Variants in NPR3 observed in about 807,000 individuals in gnomAD.
The protein encoded by NPR3 is natriuretic peptide receptor 3.
In NPR3, 34 loss-of-function variants were observed where a neutral mutation model predicts 54.5. That is an observed-to-expected ratio of 0.62 (90% CI 0.47 to 0.83). The LOEUF is 0.83. Ranked by LOEUF, NPR3 falls within the 40% of genes least tolerant of loss-of-function variation. NPR3 has a pLI of 0.00. For missense variants in NPR3, 674 were observed against 720.8 expected, an observed-to-expected ratio of 0.94 and a Z score of 0.74; for synonymous variants, 289 against 297.1, an observed-to-expected ratio of 0.97 and a Z score of 0.28.
intron 3 of NPR3, among the ~76,000 whole-genome samples, chr5:32,749,209 T>C (rs1043732476): frequency 6.6e-6 from 1 of 152,090 alleles, no homozygotes; most frequent in African/African-American, 2.4e-5. Context: ...TTTTTCTTTC[T>C]AAGGGCAACT....
intron 3 of NPR3, among the ~76,000 whole-genome samples, chr5:32,765,892 C>T (rs920790407): frequency 2.0e-5 from 3 of 152,156 alleles, no homozygotes; most frequent in Non-Finnish European, 2.9e-5. Flanking sequence ...AACCCCAGGG[C>T]CTGTGAACAT....
chr5:32,781,465 G>A (rs1742334662), intron 5 of NPR3, among the ~76,000 whole-genome samples: 1 of 94,210 alleles, frequency 1.1e-5, no homozygotes, highest in Admixed American at 9.6e-5. Flanking sequence ...CTTGATCGCT[G>A]GCTCCCAGGG....
rs1742364845 is a variant in NPR3, at chr5:32,782,098, C to G, written c.1291-795C>G. On this transcript the variant is annotated intron_variant, in intron 5 of 7. Coordinates refer to ENST00000265074, the MANE Select transcript of NPR3 (RefSeq NM_001204375.2). ...GGATGACCATGGAATTAAACCATAA[C>G]AGAATAATGATTTTCCAGGGGCCAG... 2.6e-5 allele frequency among the ~76,000 whole-genome samples: 4 copies of G among 152,112 alleles called. No individual in the cohort carries two copies. The South Asian group carries it at 8.3e-4, about 32-fold the overall frequency.
At chr5:32,734,706 G>C (rs1398403268) in intron 2 of NPR3, among the ~76,000 whole-genome samples, 3 of 152,228 alleles carry the variant, frequency 2.0e-5, no homozygotes, top group Non-Finnish European at 2.9e-5. Context: ...GTTCTAGTCT[G>C]TGCAGCCCAA....
At chr5:32,700,680 A>C (rs188642029) in intron 1 of NPR3, among the ~76,000 whole-genome samples, 282 of 152,140 alleles carry the variant, frequency 1.9e-3, no homozygotes, top group African/African-American at 6.2e-3. Flanking sequence ...GTTTGCTGAG[A>C]ATGATGCTTT....
intron 2 of NPR3, among the ~76,000 whole-genome samples, chr5:32,733,704 G>T (rs1739581546): frequency 6.6e-6 from 1 of 152,072 alleles, no homozygotes; most frequent in Non-Finnish European, 1.5e-5. Flanking sequence ...AGTCAATTTG[G>T]AACATAGAAA....
chr5:32,734,195 G>T (rs1315179548), intron 2 of NPR3, among the ~76,000 whole-genome samples: 2 of 152,162 alleles, frequency 1.3e-5, no homozygotes, highest in African/African-American at 4.8e-5. Flanking sequence ...CGTTTGGAGA[G>T]GGTGGGGGTA....
chr5:32,704,369 T>TG (rs1737930086), intron 1 of NPR3, among the ~76,000 whole-genome samples: 2 of 130,978 alleles, frequency 1.5e-5, no homozygotes, highest in African/African-American at 2.9e-5. Flanking sequence ...CTTTTGGCTC[T>TG]TTGTGTGTGT....
chr5:32,779,968 G>A (rs749842942), intron 4 of NPR3, among the ~76,000 whole-genome samples: 1 of 152,200 alleles, frequency 6.6e-6, no homozygotes, highest in Non-Finnish European at 1.5e-5. Flanking sequence ...AGAGGGCTAA[G>A]TTCCTTGTCC....
intron 2 of NPR3, 56 bp from the exon 3 acceptor site, chr5:32,738,808 A>G: frequency 6.6e-7 from 1 of 1,516,300 alleles, no homozygotes; most frequent in Non-Finnish European, 9.0e-7. Flanking sequence ...TGAAGGGAGA[A>G]TGGCCTCTTT....
intron 2 of NPR3, among the ~76,000 whole-genome samples, chr5:32,728,465 G>GA (rs11404168): frequency 0.95 from 130,584 of 137,482 alleles, 62,210 homozygotes; most frequent in Non-Finnish European, 0.99. Context: ...CTCTATCTCA[G>GA]AAAAAAAAAA....
At chr5:32,705,378 T>A (rs148137315), upstream of NPR3, among the ~76,000 whole-genome samples, 1 of 152,188 alleles carries the variant, frequency 6.6e-6, no homozygotes, top group Non-Finnish European at 1.5e-5. Flanking sequence ...AAGAAATACC[T>A]GAGATTGGGT....
At chr5:32,753,420 T>C (rs775010602) in intron 3 of NPR3, among the ~76,000 whole-genome samples, 4 of 152,098 alleles carry the variant, frequency 2.6e-5, no homozygotes, top group Admixed American at 1.3e-4. Context: ...GTTGGAATAG[T>C]CCGATCACTT....
intron 3 of NPR3, among the ~76,000 whole-genome samples, chr5:32,760,890 T>C (rs1255054035): frequency 6.6e-6 from 1 of 152,162 alleles, no homozygotes; most frequent in Non-Finnish European, 1.5e-5. Flanking sequence ...TTTTTTCCCA[T>C]CTTTTTCTGT....
intron 2 of NPR3, among the ~76,000 whole-genome samples, chr5:32,732,642 G>A (rs1459774067): frequency 6.6e-6 from 1 of 152,092 alleles, no homozygotes; most frequent in African/African-American, 2.4e-5. Flanking sequence ...CACATGGTGG[G>A]CAGAGTGACC....
At chr5:32,752,028 C>T (rs1167086481) in intron 3 of NPR3, among the ~76,000 whole-genome samples, 1 of 151,924 alleles carries the variant, frequency 6.6e-6, no homozygotes, top group Non-Finnish European at 1.5e-5. Context: ...ATAGTGAAAC[C>T]CCGTCTCTAC....
upstream of NPR3, among the ~76,000 whole-genome samples, chr5:32,707,470 GAATAGTTC>G (rs1161415269): frequency 9.9e-5 from 15 of 152,036 alleles, no homozygotes; most frequent in African/African-American, 3.6e-4. Context: ...CCCACTTCTT[GAATAGTTC>G]ACTCTAAAAC....
At position 32,789,623 on chromosome 5, in the gene NPR3, T is replaced by C. The variant is rs755875239; in HGVS notation, c.*3278T>C. ...TTGGAATGCCCTCACTTCTCCCTAT[T>C]CACAGGCTTCTAAAATCATTAATTT... On this transcript the variant is annotated 3_prime_UTR_variant, in exon 8 of 8. Transcript: ENST00000265074. 73 of 534,798 alleles carry C rather than the reference T, an allele frequency of 1.4e-4. No homozygotes were observed. In the East Asian group the frequency reaches 3.3e-3, roughly 24 times the overall value. The allele number at this position is 534,798 out of a possible 1,614,324, so 33.1% of individuals were successfully genotyped here. A position where few individuals can be genotyped will look rare whatever the true frequency, so the allele number is the denominator to read the frequency against.
intron 2 of NPR3, among the ~76,000 whole-genome samples, chr5:32,732,734 T>A (rs1490458997): frequency 6.6e-6 from 1 of 152,228 alleles, no homozygotes; most frequent in Non-Finnish European, 1.5e-5. Context: ...TATATGTTCA[T>A]GAAAAGTTGT....
Sources: gnomAD v4.1 joint callset for allele counts (sites outside exome capture counted in the v4.1 genomes callset) on GRCh38, gnomAD v4.1.1 for gene constraint, MANE v1.5 for transcripts, NCBI Gene and HGNC (gene_info 2026-07-23, HGNC 2026-07-21) for gene names.